Variants in ARMC2 observed in about 807,000 individuals in gnomAD.
ARMC2 encodes the protein armadillo repeat-containing protein 2.
In ARMC2, 67 loss-of-function variants were observed where a neutral mutation model predicts 90.3. That is an observed-to-expected ratio of 0.74 (90% CI 0.61 to 0.91). The LOEUF (loss-of-function observed/expected upper bound fraction) is 0.91, where lower values mean the gene tolerates loss of function less well. ARMC2 is among the 40% of genes least tolerant of loss of function. ARMC2 has a pLI of 0.00. For missense variants in ARMC2, 920 were observed against 1,030.9 expected (o/e 0.89, Z 1.47); for synonymous variants, 393 against 393.0 (o/e 1.00, Z 0.00).
intron 10 of ARMC2, among the ~76,000 whole-genome samples, chr6:108,923,464 TC>T (rs1774791983): frequency 1.3e-5 from 2 of 151,948 alleles, no homozygotes; most frequent in African/African-American, 4.8e-5. Flanking sequence ...CACAGATTTA[TC>T]TCTGTTCAAC....
At chr6:109,005,777 A>G in the ARMC2 span, among the ~76,000 whole-genome samples, 1 of 152,238 alleles carries the variant, frequency 6.6e-6, no homozygotes, top group South Asian at 2.1e-4. Flanking sequence ...TAATAATACC[A>G]TCAATCCCAA....
chr6:108,894,549 G>A lies in ARMC2; in HGVS notation c.748+6G>A, dbSNP rs1408263861. ...CAGGCTGCAAACCAAAGCAGGTGAG[G>A]GGTCCCCACACTCCTTCATCTACAG... is the stretch of plus-strand genomic sequence containing the variant. On this transcript the variant is annotated splice_donor_region_variant and intron_variant, in intron 6 of 17. Transcript: ENST00000392644. 1 of 1,595,934 alleles carries A rather than the reference G, an allele frequency of 6.3e-7. No individual in the cohort carries two copies. The highest frequency in any genetic ancestry group is 1.1e-5 in the South Asian group (1 of 88,824).
chr6:108,895,482 C>CAAAAAAAAAAAAA (rs58785510), intron 6 of ARMC2, among the ~76,000 whole-genome samples: 2 of 100,300 alleles, frequency 2.0e-5, no homozygotes, highest in Non-Finnish European at 3.7e-5. Context: ...AGACTCATCT[C>CAAAAAAAAAAAAA]AAAAAAAAAA....
intron 3 of ARMC2, among the ~76,000 whole-genome samples, chr6:108,867,073 T>C (rs141937652): frequency 2.6e-4 from 39 of 152,332 alleles, no homozygotes; most frequent in African/African-American, 7.0e-4. Flanking sequence ...GATTAACTTA[T>C]TGGATAGTGA....
chr6:109,038,617 T>C, the ARMC2 span, among the ~76,000 whole-genome samples: 4 of 152,248 alleles, frequency 2.6e-5, no homozygotes, highest in African/African-American at 4.8e-5. Flanking sequence ...ACATTTCTGT[T>C]TCTCATTTCA....
At chr6:109,006,875 C>G in the ARMC2 span, among the ~76,000 whole-genome samples, 1 of 152,164 alleles carries the variant, frequency 6.6e-6, no homozygotes, top group Non-Finnish European at 1.5e-5. Flanking sequence ...TAGGTTAATT[C>G]AATTATTCCT....
chr6:109,014,008 T>G, the ARMC2 span, among the ~76,000 whole-genome samples: 3 of 149,388 alleles, frequency 2.0e-5, no homozygotes, highest in East Asian at 5.8e-4. Context: ...GCTCTATACT[T>G]TTTTTTTTTT....
the ARMC2 span, chr6:109,000,663 C>CTCCTTAAAACAAAAAGGAGCAGCCTTT: frequency 6.3e-7 from 1 of 1,583,538 alleles, no homozygotes; most frequent in Non-Finnish European, 8.6e-7. Context: ...GCACTGATGT[C>CTCCTTAAAACAAAAAGGAGCAGCCTTT]TTGCCGCAGC....
chr6:108,981,722 C>CA, the ARMC2 span, among the ~76,000 whole-genome samples: 4 of 151,742 alleles, frequency 2.6e-5, no homozygotes, highest in Non-Finnish European at 5.9e-5. Flanking sequence ...AGCTGGAGTG[C>CA]AATGGCATGA....
At chr6:108,861,360 T>G (rs1224977848) in intron 3 of ARMC2, among the ~76,000 whole-genome samples, 1 of 152,240 alleles carries the variant, frequency 6.6e-6, no homozygotes, top group Non-Finnish European at 1.5e-5. Context: ...GTTGCAGACA[T>G]TGTGATACTT....
intron 13 of ARMC2, among the ~76,000 whole-genome samples, chr6:108,956,808 A>G (rs1244758059): frequency 2.0e-5 from 3 of 152,192 alleles, no homozygotes; most frequent in African/African-American, 4.8e-5. Flanking sequence ...CCTGGCCAAC[A>G]TGGCAAAACC....
At chr6:108,965,754 C>G (rs1778320054) in intron 17 of ARMC2, among the ~76,000 whole-genome samples, 1 of 151,976 alleles carries the variant, frequency 6.6e-6, no homozygotes, top group African/African-American at 2.4e-5. Flanking sequence ...AAGTGATCCT[C>G]CTGCCTCTGT....
the ARMC2 span, among the ~76,000 whole-genome samples, chr6:109,024,838 G>A: frequency 4.6e-5 from 7 of 152,208 alleles, no homozygotes; most frequent in Middle Eastern, 6.3e-3. Flanking sequence ...TCTACTGAAT[G>A]TGTGTTGCTT....
the ARMC2 span, among the ~76,000 whole-genome samples, chr6:108,996,647 T>C: frequency 1.3e-5 from 2 of 152,078 alleles, no homozygotes; most frequent in South Asian, 2.1e-4. Context: ...AAAAAAAAAA[T>C]GGCATTTCAT....
the ARMC2 span, among the ~76,000 whole-genome samples, chr6:109,048,734 C>A: frequency 6.6e-6 from 1 of 152,072 alleles, no homozygotes; most frequent in African/African-American, 2.4e-5. Context: ...CATTACTTAC[C>A]AGTTAAATTA....
the ARMC2 span, among the ~76,000 whole-genome samples, chr6:109,036,875 C>G: frequency 2.0e-5 from 3 of 152,250 alleles, no homozygotes; most frequent in East Asian, 5.8e-4. Flanking sequence ...AATAATAAAA[C>G]AGTCGTAAAT....
rs2128457409 is a variant in ARMC2, at chr6:108,894,576, A to T, written c.748+33A>T. The T allele has an allele frequency of 3.9e-6, 6 of 1,546,648 alleles. No homozygotes were observed. In the East Asian group the frequency reaches 1.4e-4, roughly 36 times the overall value. ...GTCCCCACACTCCTTCATCTACAGC[A>T]TCTCCACTTGAAGGAAAGATGTTTG... On this transcript the variant is annotated intron_variant, in intron 6 of 17. Transcript: ENST00000392644.
At chr6:108,962,156 C>A in intron 15 of ARMC2, 29 bp downstream of exon 15, 1 of 1,521,496 alleles carries the variant, frequency 6.6e-7, no homozygotes, top group Non-Finnish European at 9.0e-7. Context: ...AATTCATAAA[C>A]ATTCACTTTT....
chr6:109,046,861 G>A, the ARMC2 span, among the ~76,000 whole-genome samples: 2 of 130,520 alleles, frequency 1.5e-5, no homozygotes, highest in African/African-American at 5.6e-5. Flanking sequence ...CACCCCGTAT[G>A]AGAAGTGAGG....
Sources: allele counts gnomAD v4.1 joint callset (sites outside exome capture counted in the v4.1 genomes callset), GRCh38; gene constraint gnomAD v4.1.1; transcripts MANE v1.5; gene names NCBI Gene and HGNC (gene_info 2026-07-23, HGNC 2026-07-21).